The following KLF12 variants were observed in gnomAD, a reference collection of about 807,000 sequenced individuals.
The protein encoded by KLF12 is KLF transcription factor 12.
In KLF12, 9 loss-of-function variants were observed where a neutral mutation model predicts 37.8. That is an observed-to-expected ratio of 0.24 (90% CI 0.14 to 0.42). The LOEUF (loss-of-function observed/expected upper bound fraction) is 0.42, where lower values mean the gene tolerates loss of function less well. Ranked by LOEUF, KLF12 falls within the 10% of genes least tolerant of loss-of-function variation. KLF12 has a pLI of 1.00. For synonymous variants in KLF12, 208 were observed against 202.1 expected, an observed-to-expected ratio of 1.03 and a Z score of -0.25; for missense variants, 411 against 516.0, an observed-to-expected ratio of 0.80 and a Z score of 1.97.
At chr13:74,134,173 G>A (rs1878433457), upstream of KLF12, among the ~76,000 whole-genome samples, 5 of 149,866 alleles carry the variant, frequency 3.3e-5, no homozygotes, top group Admixed American at 3.3e-4. Context: ...GTGGGGTGGG[G>A]TGGGGTGCTG....
the KLF12 span, among the ~76,000 whole-genome samples, chr13:74,256,023 C>T: frequency 2.6e-5 from 4 of 152,046 alleles, no homozygotes; most frequent in East Asian, 3.9e-4. Context: ...GGCGTGGTGG[C>T]GGGCGCCTGT....
At chr13:73,925,627 T>C (rs751039415) in intron 3 of KLF12, among the ~76,000 whole-genome samples, 4 of 152,198 alleles carry the variant, frequency 2.6e-5, no homozygotes, top group Non-Finnish European at 4.4e-5. Flanking sequence ...GTCATTTTGA[T>C]TTTCAATTAT....
At chr13:74,147,131 A>G in the KLF12 span, among the ~76,000 whole-genome samples, 1 of 152,180 alleles carries the variant, frequency 6.6e-6, no homozygotes, top group Non-Finnish European at 1.5e-5. Context: ...GCTTCAGGAA[A>G]AGATGAGTGA....
chr13:74,065,703 T>C (rs778656411), intron 1 of KLF12, among the ~76,000 whole-genome samples: 11 of 152,042 alleles, frequency 7.2e-5, no homozygotes, highest in East Asian at 1.9e-4. Context: ...TGAAGCAGTG[T>C]AGGAGTGACG....
intron 1 of KLF12, among the ~76,000 whole-genome samples, chr13:74,022,752 C>A (rs1281291844): frequency 6.6e-6 from 1 of 151,706 alleles, no homozygotes; most frequent in East Asian, 1.9e-4. Flanking sequence ...ACCCCCCCAA[C>A]ATATAACGTA....
intron 1 of KLF12, among the ~76,000 whole-genome samples, chr13:74,058,210 A>G (rs1593864245): frequency 6.6e-6 from 1 of 151,196 alleles, no homozygotes; most frequent in Non-Finnish European, 1.5e-5. Flanking sequence ...CAACTGATCC[A>G]CCCGCCTCGG....
At chr13:74,049,286 G>A (rs935966273) in intron 1 of KLF12, among the ~76,000 whole-genome samples, 1 of 152,204 alleles carries the variant, frequency 6.6e-6, no homozygotes, top group Non-Finnish European at 1.5e-5. Flanking sequence ...ATTGCAAACT[G>A]CTGGCAGCCT....
At chr13:73,745,125 G>A (rs1447138165) in intron 6 of KLF12, among the ~76,000 whole-genome samples, 3 of 152,234 alleles carry the variant, frequency 2.0e-5, no homozygotes, top group East Asian at 1.9e-4. Context: ...TAATGCATCC[G>A]TATTCATTGT....
chr13:73,916,235 A>ACACT (rs1555324819), intron 3 of KLF12, among the ~76,000 whole-genome samples: 1 of 33,410 alleles, frequency 3.0e-5, no homozygotes, highest in Non-Finnish European at 7.7e-5. Context: ...ACACACACAC[A>ACACT]CACACGCACA....
At chr13:73,890,282 T>C (rs1183269690) in intron 3 of KLF12, among the ~76,000 whole-genome samples, 1 of 152,144 alleles carries the variant, frequency 6.6e-6, no homozygotes, top group Non-Finnish European at 1.5e-5. Flanking sequence ...CAAAAATACC[T>C]CTTTCTTTCA....
At chr13:73,915,731 G>A (rs140306948) in intron 3 of KLF12, among the ~76,000 whole-genome samples, 6,726 of 136,876 alleles carry the variant, frequency 0.049, 404 homozygotes, top group African/African-American at 0.15. Flanking sequence ...ACTAGGTTTC[G>A]CCGTGTTAGC....
At chr13:74,269,320 C>T in the KLF12 span, among the ~76,000 whole-genome samples, 1 of 152,162 alleles carries the variant, frequency 6.6e-6, no homozygotes, top group African/African-American at 2.4e-5. Flanking sequence ...ACATATTTAA[C>T]TAATCTACCT....
intron 3 of KLF12, among the ~76,000 whole-genome samples, chr13:73,902,176 T>C (rs1018473407): frequency 3.3e-5 from 5 of 152,242 alleles, no homozygotes; most frequent in East Asian, 1.9e-4. Context: ...CCAAAATACA[T>C]ACGGTGTGTC....
At chr13:74,294,651 A>G in the KLF12 span, among the ~76,000 whole-genome samples, 5 of 152,062 alleles carry the variant, frequency 3.3e-5, no homozygotes, top group Non-Finnish European at 1.5e-5. Flanking sequence ...ACAGGCGTGA[A>G]CCACTGTGCC....
chr13:73,731,159 G>A (rs994743101), intron 6 of KLF12, among the ~76,000 whole-genome samples: 4 of 152,084 alleles, frequency 2.6e-5, no homozygotes, highest in African/African-American at 9.7e-5. Context: ...CTTGGTAACT[G>A]ATTGGATAAC....
chr13:74,118,470 A>G (rs554443685), intron 1 of KLF12, among the ~76,000 whole-genome samples: 42 of 152,322 alleles, frequency 2.8e-4, no homozygotes, highest in African/African-American at 9.6e-4. Flanking sequence ...GTGCTTTATT[A>G]GTTATGTTGT....
At chr13:73,841,204 G>A (rs548338833) in intron 4 of KLF12, among the ~76,000 whole-genome samples, 1 of 152,118 alleles carries the variant, frequency 6.6e-6, no homozygotes, top group Non-Finnish European at 1.5e-5. Flanking sequence ...ACTGCATATC[G>A]GAAGGAAGGA....
chr13:73,813,065 T>C, intron 5 of KLF12, 87 bp downstream of exon 5: 3 of 1,421,010 alleles, frequency 2.1e-6, no homozygotes, highest in South Asian at 1.3e-5. Context: ...TAGAATGACA[T>C]GGCTGGGGGA....
chr13:74,085,876 T>C (rs535318990), intron 1 of KLF12, among the ~76,000 whole-genome samples: 1 of 152,220 alleles, frequency 6.6e-6, no homozygotes, highest in South Asian at 2.1e-4. Context: ...TGCACTGGAA[T>C]AGAGATTGCT....
Sources: gnomAD v4.1 joint callset for allele counts (sites outside exome capture counted in the v4.1 genomes callset) on GRCh38, gnomAD v4.1.1 for gene constraint, MANE v1.5 for transcripts, NCBI Gene and HGNC (gene_info 2026-07-23, HGNC 2026-07-21) for gene names.